Variants in INTS2 observed in about 807,000 individuals in gnomAD.
The protein encoded by INTS2 is KIAA1287.
In INTS2, 57 loss-of-function variants were observed where a neutral mutation model predicts 139.6. That is an observed-to-expected ratio of 0.41 (90% CI 0.33 to 0.51). INTS2 has a LOEUF of 0.51. Ranked by LOEUF, INTS2 falls within the 20% of genes least tolerant of loss-of-function variation. INTS2 has a pLI of 0.28. For missense variants in INTS2, 1,196 were observed against 1,436.7 expected (o/e 0.83, Z 2.71); for synonymous variants, 473 against 493.4 (o/e 0.96, Z 0.55).
chr17:61,872,228 G>C lies in INTS2; in HGVS notation c.2778+37C>G, dbSNP rs1244878188. 9 of 1,491,364 alleles carry C rather than the reference G, an allele frequency of 6.0e-6. No individual in the cohort carries two copies. The highest frequency in any genetic ancestry group is 4.5e-5 in the East Asian group (2 of 44,248). 92.4% of individuals were successfully genotyped at this position (1,491,364 alleles called of 1,614,324 possible). ...TGATTATACTAGTAGAGAAGCCCTT[G>C]CTCTTTTTGACTAAATTTTACTTTA... On this transcript the variant is annotated intron_variant, in intron 20 of 24. Transcript: ENST00000251334. This position sits in a 1 kb window ranked among gnomAD's most constrained non-coding sequence, Gnocchi z 4.8.
intron 15 of INTS2, chr17:61,885,266 C>A: frequency 2.1e-6 from 1 of 467,492 alleles, no homozygotes; most frequent in East Asian, 3.8e-5. Flanking sequence ...TTGAGAGAAG[C>A]CATGTGCAAA....
At position 61,868,709 on chromosome 17, in the gene INTS2, ATACAAT is replaced by A. The variant is rs1363155536; in HGVS notation, c.3244+319_3244+324del. On this transcript the variant is annotated intron_variant, in intron 23 of 24. Transcript: ENST00000251334. The surrounding 1 kb of genome is among the most constrained non-coding windows in gnomAD (Gnocchi z 4.7). ...ATAAATGAACATTTGTTATCTACTG[ATACAAT>A]TACATTCTGAAAGTGTATTTGTTTT... Among the ~76,000 whole-genome samples the A allele has an allele frequency of 2.0e-5, 3 of 152,184 alleles. No individual in the cohort carries two copies. Among genetic ancestry groups the A allele is most frequent in the African/African-American group, 7.2e-5 (3 of 41,456 alleles).
At position 61,882,744 on chromosome 17, in the gene INTS2, AC is replaced by A. The variant is rs2079188619; in HGVS notation, c.2090-1574del. On this transcript the variant is annotated intron_variant, in intron 16 of 24. Transcript: ENST00000251334. The surrounding 1 kb of genome is among the most constrained non-coding windows in gnomAD (Gnocchi z 4.7). Reference sequence around the variant, plus strand: ...ATGCTGTCTCAAAAAAAATTATGACACCATAAAAATGCCTATTTAGTTAATG... The same window carrying A: ...ATGCTGTCTCAAAAAAAATTATGACACATAAAAATGCCTATTTAGTTAATG... Among the ~76,000 whole-genome samples the A allele has an allele frequency of 6.6e-6, 1 of 152,146 alleles. No homozygotes were observed. The highest frequency in any genetic ancestry group is 2.1e-4 in the South Asian group (1 of 4,828).
At position 61,870,765 on chromosome 17, in the gene INTS2, T is replaced by C. The variant is rs189205311; in HGVS notation, c.2779-777A>G. Among the ~76,000 whole-genome samples, 27 of 152,326 alleles carry C rather than the reference T, an allele frequency of 1.8e-4. No homozygotes were observed. The highest frequency in any genetic ancestry group is 3.4e-3 in the Middle Eastern group (1 of 294). ...GGTTAGACTACTTTATAATCATGGTTCTTGGGGAAAGGAGTTTTTGGTTAT... is the reference window on the plus strand; with the variant it reads ...GGTTAGACTACTTTATAATCATGGTCCTTGGGGAAAGGAGTTTTTGGTTAT... On this transcript the variant is annotated intron_variant, in intron 20 of 24. Transcript: ENST00000251334. This position sits in a 1 kb window ranked among gnomAD's most constrained non-coding sequence, Gnocchi z 4.4.
intron 9 of INTS2, among the ~76,000 whole-genome samples, chr17:61,902,992 C>T (rs1219758830): frequency 6.6e-6 from 1 of 151,082 alleles, no homozygotes; most frequent in Admixed American, 6.6e-5. Flanking sequence ...TGGTGAAACC[C>T]CGTCTCTACT....
At chr17:61,892,982 G>C (rs1247365937) in intron 13 of INTS2, among the ~76,000 whole-genome samples, 1 of 136,032 alleles carries the variant, frequency 7.4e-6, no homozygotes, top group Admixed American at 8.1e-5. Flanking sequence ...AAAAAGCCAG[G>C]AGTGGTGGCT....
intron 17 of INTS2, among the ~76,000 whole-genome samples, chr17:61,878,931 CAAAAA>C (rs35652350): frequency 2.1e-5 from 1 of 46,656 alleles, no homozygotes; most frequent in Non-Finnish European, 3.5e-5. Context: ...ACCCTGTCTC[CAAAAA>C]AAAAAAAAAA....
At chr17:61,905,787 T>G (rs1174946475) in intron 8 of INTS2, among the ~76,000 whole-genome samples, 1 of 152,132 alleles carries the variant, frequency 6.6e-6, no homozygotes, top group African/African-American at 2.4e-5. Context: ...AACCTCCACC[T>G]CCTGGGTTCC....
chr17:61,924,483 A>G (rs544622643), intron 3 of INTS2, among the ~76,000 whole-genome samples: 237 of 152,278 alleles, frequency 1.6e-3, no homozygotes, highest in African/African-American at 5.5e-3. Context: ...CAGACTTATA[A>G]TATCCTTTCA....
At position 61,927,709 on chromosome 17, in the gene INTS2, G is replaced by T; in HGVS notation, c.-74C>A. ...CGCACACGGACTCCGCGTCCTAGAG[G>T]CGGGACGCGGCAGAAATCGAGAGCG... On this transcript the variant is annotated 5_prime_UTR_variant, in exon 1 of 25. Coordinates refer to ENST00000251334, the MANE Select transcript of INTS2 (RefSeq NM_001351695.2). The T allele has an allele frequency of 6.9e-7, 1 of 1,450,766 alleles. No homozygotes were observed. Among genetic ancestry groups the T allele is most frequent in the African/African-American group, 1.4e-5 (1 of 70,296 alleles). 89.9% of individuals were successfully genotyped at this position (1,450,766 alleles called of 1,614,324 possible). A position where few individuals can be genotyped will look rare whatever the true frequency, so the allele number is the denominator to read the frequency against.
chr17:61,894,126 A>G (rs989053187), intron 12 of INTS2: 1 of 311,016 alleles, frequency 3.2e-6, no homozygotes, highest in Non-Finnish European at 5.8e-6. Context: ...AGATACATAC[A>G]CAGTGGTGTG....
chr17:61,927,624 G>T, intron 1 of INTS2, 30 bp downstream of exon 1: 1 of 1,313,322 alleles, frequency 7.6e-7, no homozygotes, highest in South Asian at 1.7e-5. Flanking sequence ...CTAGGAACGC[G>T]CTGAGGCCAG....
In INTS2 at chr17:61,897,155, T is replaced by C. The variant is rs1333590014; in HGVS notation, c.1494+314A>G. On this transcript the variant is annotated intron_variant, in intron 11 of 24. Transcript: ENST00000251334. This position sits in a 1 kb window ranked among gnomAD's most constrained non-coding sequence, Gnocchi z 4.4. ...GTAAATGCTCATCATATATTAATTT[T>C]TTTAAATCATCAAATATGTACGTCA... 6.6e-6 allele frequency among the ~76,000 whole-genome samples: 1 copy of C among 152,170 alleles called. No homozygotes were observed. Among genetic ancestry groups the C allele is most frequent in the Non-Finnish European group, 1.5e-5 (1 of 68,014 alleles).
At chr17:61,904,878 G>C (rs1266395037) in intron 8 of INTS2, among the ~76,000 whole-genome samples, 1 of 151,700 alleles carries the variant, frequency 6.6e-6, no homozygotes, top group Non-Finnish European at 1.5e-5. Flanking sequence ...ATGGTGAAAA[G>C]TATGGTTGTA....
Position 61,870,968 on chromosome 17 carries a change from T to C in INTS2, c.2779-980A>G, listed in dbSNP as rs528241337. On this transcript the variant is annotated intron_variant, in intron 20 of 24. Transcript: ENST00000251334. This position sits in a 1 kb window ranked among gnomAD's most constrained non-coding sequence, Gnocchi z 4.4. Reference sequence around the variant, plus strand: ...GAGATAATACTCTATACCTCATAGGTAGGTTATAAAAATTAAATGAGCTAA... The same window carrying C: ...GAGATAATACTCTATACCTCATAGGCAGGTTATAAAAATTAAATGAGCTAA... Among the ~76,000 whole-genome samples, 73 of 152,078 alleles carry C rather than the reference T, an allele frequency of 4.8e-4. No homozygotes were observed. Among genetic ancestry groups the C allele is most frequent in the Non-Finnish European group, 9.4e-4 (64 of 68,014 alleles).
chr17:61,897,034 G>A lies in INTS2; in HGVS notation c.1494+435C>T, dbSNP rs1290887844. Among the ~76,000 whole-genome samples, 1 of 151,990 alleles carries A rather than the reference G, an allele frequency of 6.6e-6. No individual in the cohort carries two copies. The highest frequency in any genetic ancestry group is 2.1e-4 in the South Asian group (1 of 4,818). ...TACAGAAACTAGAAAATCTACATGG[G>A]AAATAATAAGGGACCTATTAAGAAG... On this transcript the variant is annotated intron_variant, in intron 11 of 24. Transcript: ENST00000251334. This position sits in a 1 kb window ranked among gnomAD's most constrained non-coding sequence, Gnocchi z 4.4.
chr17:61,883,405 C>T (rs185225351), intron 16 of INTS2, among the ~76,000 whole-genome samples: 60 of 151,294 alleles, frequency 4.0e-4, no homozygotes, highest in East Asian at 3.9e-4. Context: ...TGCAGACATC[C>T]GGTTAACGAT....
intron 7 of INTS2, 47 bp from the exon 8 acceptor site, chr17:61,907,681 CTAA>C: frequency 6.8e-7 from 1 of 1,481,272 alleles, no homozygotes; most frequent in Non-Finnish European, 9.2e-7. Flanking sequence ...GAAGCATTTA[CTAA>C]ACTAAAAGGG....
chr17:61,881,603 A>ATC (rs1470580453), intron 16 of INTS2, among the ~76,000 whole-genome samples: 1 of 152,172 alleles, frequency 6.6e-6, no homozygotes, highest in Non-Finnish European at 1.5e-5. Context: ...TTCAAAAATA[A>ATC]AAAAAGAATG....
Sources: gnomAD v4.1 joint callset for allele counts (sites outside exome capture counted in the v4.1 genomes callset) on GRCh38, gnomAD v4.1.1 for gene constraint, Gnocchi (gnomAD v3.1) non-coding constraint, MANE v1.5 for transcripts, NCBI Gene and HGNC (gene_info 2026-07-23, HGNC 2026-07-21) for gene names.